GNAO1: variants seen among roughly 807,000 people sequenced by gnomAD.
GNAO1 encodes guanine nucleotide-binding protein G(o) subunit alpha.
For missense variants in GNAO1, 166 were observed against 478.7 expected, an observed-to-expected ratio of 0.35 and a Z score of 6.10; for synonymous variants, 164 against 180.7, an observed-to-expected ratio of 0.91 and a Z score of 0.74.
intron 3 of GNAO1, among the ~76,000 whole-genome samples, chr16:56,323,565 T>C (rs1401784130): frequency 5.9e-5 from 9 of 152,070 alleles, no homozygotes; most frequent in African/African-American, 2.2e-4. Context: ...AGGGTGCCCC[T>C]TACCTTTAAA....
At position 56,327,028 on chromosome 16, in the gene GNAO1, T is replaced by G. The variant is rs1171110321; in HGVS notation, c.304-1603T>G. Reference sequence around the variant, plus strand: ...ACCATCGGGTTGTTAAGTGAGTGCCTTCCTCTCTGTGGCCCTCAATTTCCC... The same window carrying G: ...ACCATCGGGTTGTTAAGTGAGTGCCGTCCTCTCTGTGGCCCTCAATTTCCC... On this transcript the variant is annotated intron_variant, in intron 3 of 8. Transcript: ENST00000262493. Among the ~76,000 whole-genome samples the G allele has an allele frequency of 4.6e-5, 7 of 152,186 alleles. No individual in the cohort carries two copies. The East Asian group carries it at 1.4e-3, about 30-fold the overall frequency.
intron 6 of GNAO1, chr16:56,345,639 T>C: frequency 3.0e-6 from 3 of 985,442 alleles, no homozygotes; most frequent in Non-Finnish European, 3.6e-6. Flanking sequence ...TTCACCTCGG[T>C]CATGTTTTGG....
intron 3 of GNAO1, among the ~76,000 whole-genome samples, chr16:56,325,821 C>T (rs772313843): frequency 6.6e-6 from 1 of 152,208 alleles, no homozygotes; most frequent in Non-Finnish European, 1.5e-5. Context: ...GACCTAAATA[C>T]CATGACACTT....
rs148428764 is a variant in GNAO1, at chr16:56,205,609, A to G, written c.161+12993A>G. ...TGTTTCTTCTTTGAATCCTTTCCTT[A>G]GAGTTTCGACCACATGGCCCTTGCT... On this transcript the variant is annotated intron_variant, in intron 2 of 8. Coordinates refer to ENST00000262493, the MANE Select transcript of GNAO1 (RefSeq NM_020988.3). Among the ~76,000 whole-genome samples the G allele has an allele frequency of 9.3e-3, 1,417 of 152,162 alleles. 11 individuals are homozygous for G. Among genetic ancestry groups the G allele is most frequent in the Non-Finnish European group, 0.015 (989 of 67,992 alleles).
In GNAO1 at chr16:56,351,603, C is replaced by T. The variant is rs1327340847; in HGVS notation, c.877+66C>T. The T allele has an allele frequency of 7.5e-7, 1 of 1,329,902 alleles. No homozygotes were observed. Among genetic ancestry groups the T allele is most frequent in the Non-Finnish European group, 1.1e-6 (1 of 940,596 alleles). 82.4% of individuals were successfully genotyped at this position (1,329,902 alleles called of 1,614,324 possible). A position where few individuals can be genotyped will look rare whatever the true frequency, so the allele number is the denominator to read the frequency against. On this transcript the variant is annotated intron_variant, in intron 7 of 8. Coordinates refer to ENST00000262493, the MANE Select transcript of GNAO1 (RefSeq NM_020988.3). The surrounding 1 kb of genome is among the most constrained non-coding windows in gnomAD (Gnocchi z 6.1). ...TGACAGGGACCCATGGCTCAGAGAA[C>T]AGGCTGCTCGGCCAGCACTGCTGGG...
chr16:56,328,550 C>T (rs2037657963), intron 3 of GNAO1, 81 bp from the exon 4 acceptor site: 9 of 1,449,766 alleles, frequency 6.2e-6, no homozygotes, highest in East Asian at 2.3e-5. Flanking sequence ...TCACAGTCCC[C>T]GCTAGGGGAG....
At chr16:56,242,833 A>G (rs983954316) in intron 2 of GNAO1, among the ~76,000 whole-genome samples, 1 of 152,250 alleles carries the variant, frequency 6.6e-6, no homozygotes, top group Non-Finnish European at 1.5e-5. Context: ...GCTTTAGAGC[A>G]GTGGTCCCCA....
intron 6 of GNAO1, chr16:56,345,132 G>T: frequency 1.0e-6 from 1 of 985,792 alleles, no homozygotes; most frequent in Non-Finnish European, 1.2e-6. Flanking sequence ...TGAGCAGAAG[G>T]GGGCGGGGTA....
intron 2 of GNAO1, among the ~76,000 whole-genome samples, chr16:56,254,663 A>G (rs1240354781): frequency 1.3e-5 from 2 of 152,128 alleles, no homozygotes; most frequent in Admixed American, 6.5e-5. Context: ...TGAGTAATCT[A>G]ATCTGTTGAC....
intron 2 of GNAO1, chr16:56,235,291 T>C (rs546450335): frequency 8.8e-6 from 4 of 455,730 alleles, no homozygotes; most frequent in African/African-American, 8.0e-5. Context: ...TTGATAGAGA[T>C]TTAGAATCTT....
At chr16:56,256,846 A>T (rs1198973191) in intron 2 of GNAO1, among the ~76,000 whole-genome samples, 1 of 151,546 alleles carries the variant, frequency 6.6e-6, no homozygotes, top group African/African-American at 2.4e-5. Flanking sequence ...GTTGAATCTG[A>T]TTAGACACTG....
intron 3 of GNAO1, among the ~76,000 whole-genome samples, chr16:56,288,956 A>C (rs768031820): frequency 2.6e-5 from 4 of 151,924 alleles, no homozygotes; most frequent in Non-Finnish European, 5.9e-5. Context: ...TTTTAGTTCT[A>C]TAAATTCCCC....
In GNAO1 at chr16:56,348,245, T is replaced by A. The variant is rs147373258; in HGVS notation, c.724-3139T>A. The A allele has an allele frequency of 2.6e-3, 2,461 of 963,902 alleles. 59 individuals carry two copies. In the African/African-American group the frequency reaches 0.038, roughly 15 times the overall value. 59.7% of individuals were successfully genotyped at this position (963,902 alleles called of 1,614,324 possible). A position where few individuals can be genotyped will look rare whatever the true frequency, so the allele number is the denominator to read the frequency against. ...CAGGGCCCAGGGAGCTCCTGCCAGG[T>A]GCACTTGCACGATGTGTGTCCTCGG... On this transcript the variant is annotated intron_variant, in intron 6 of 8. Coordinates refer to ENST00000262493, the MANE Select transcript of GNAO1 (RefSeq NM_020988.3).
chr16:56,303,128 A>C (rs1427044434), intron 3 of GNAO1, among the ~76,000 whole-genome samples: 2 of 152,152 alleles, frequency 1.3e-5, no homozygotes, highest in Admixed American at 1.3e-4. Context: ...ATTCCTGAGC[A>C]GCTTTTGACT....
chr16:56,328,344 G>A (rs561741177), intron 3 of GNAO1, among the ~76,000 whole-genome samples: 1 of 152,224 alleles, frequency 6.6e-6, no homozygotes, highest in Admixed American at 6.5e-5. Context: ...GAACAGAGCC[G>A]GGCCCACTCT....
chr16:56,243,208 G>A (rs1214976240), intron 2 of GNAO1, among the ~76,000 whole-genome samples: 1 of 151,974 alleles, frequency 6.6e-6, no homozygotes, highest in Non-Finnish European at 1.5e-5. Flanking sequence ...ATATAGCAAT[G>A]TAATAATAAT....
At chr16:56,239,562 C>A (rs771592247) in intron 2 of GNAO1, among the ~76,000 whole-genome samples, 2 of 152,086 alleles carry the variant, frequency 1.3e-5, no homozygotes, top group Non-Finnish European at 2.9e-5. Context: ...ATGTCTGTAC[C>A]CTTTTGGAGC....
intron 3 of GNAO1, among the ~76,000 whole-genome samples, chr16:56,296,840 G>A (rs1381864864): frequency 1.3e-5 from 2 of 152,152 alleles, no homozygotes; most frequent in African/African-American, 4.8e-5. Context: ...GGAGACCCAA[G>A]TTCCTTCCCT....
Position 56,251,718 on chromosome 16 carries a change from A to G in GNAO1, c.162-24213A>G, listed in dbSNP as rs561507350. ...CACTAATAGTTCTGCAGATCCCAGG[A>G]TAGAAGTTAATCTGCTTGGAAGGTT... On this transcript the variant is annotated intron_variant, in intron 2 of 8. Transcript: ENST00000262493. 2.6e-5 allele frequency among the ~76,000 whole-genome samples: 4 copies of G among 152,210 alleles called. No homozygotes were observed. In the East Asian group the frequency reaches 7.7e-4, roughly 29 times the overall value.
Sources: allele counts gnomAD v4.1 joint callset (sites outside exome capture counted in the v4.1 genomes callset), GRCh38; gene constraint gnomAD v4.1.1; non-coding constraint Gnocchi (gnomAD v3.1); transcripts MANE v1.5; gene names NCBI Gene and HGNC (gene_info 2026-07-23, HGNC 2026-07-21).